MID1: variants seen among roughly 807,000 people sequenced by gnomAD.
The protein encoded by MID1 is E3 ubiquitin-protein ligase Midline-1.
MID1 carries 7 observed loss-of-function variants against 40.4 expected under a neutral mutation model. The ratio of observed to expected loss-of-function variants is 0.17; its 90% CI spans 0.10 to 0.33. MID1 has a LOEUF of 0.33. MID1 is among the 10% of genes least tolerant of loss of function. The probability of loss-of-function intolerance (pLI) is 1.00; values close to 1 mark genes in which losing one functional copy is unlikely to be tolerated. For missense variants in MID1, 367 were observed against 558.5 expected (o/e 0.66, Z 3.46); for synonymous variants, 229 against 221.2 (o/e 1.04, Z -0.31).
chrX:10,767,754 T>G (rs1485044447), intron 1 of MID1, among the ~76,000 whole-genome samples: 1 of 112,253 alleles, frequency 8.9e-6, no homozygotes, highest in Non-Finnish European at 1.9e-5. Flanking sequence ...AGTATGAATA[T>G]TTAAAACATT....
chrX:10,817,560 CTTTCTTTCTTTCTCTCTT>C, intron 1 of MID1, among the ~76,000 whole-genome samples: 1 of 93,509 alleles, frequency 1.1e-5, no homozygotes, highest in Non-Finnish European at 2.1e-5. Flanking sequence ...TTCTTTCTTT[CTTTCTTTCTTTCTCTCTT>C]TCTTTCTTTC....
chrX:10,727,771 A>G (rs768658786), intron 1 of MID1, among the ~76,000 whole-genome samples: 2 of 111,900 alleles, frequency 1.8e-5, no homozygotes, highest in East Asian at 5.6e-4. Context: ...GCTCAATTTG[A>G]GAACCACTGA....
chrX:10,629,737 G>A (rs1424859710), intron 1 of MID1, among the ~76,000 whole-genome samples: 1 of 112,268 alleles, frequency 8.9e-6, no homozygotes, highest in African/African-American at 3.2e-5. Flanking sequence ...GTTCCTAGTG[G>A]AATACGTTTG....
intron 1 of MID1, among the ~76,000 whole-genome samples, chrX:10,825,794 C>A (rs1477678992): frequency 9.0e-6 from 1 of 111,472 alleles, no homozygotes; most frequent in Admixed American, 9.5e-5. Context: ...TGTCAAGACC[C>A]TCATATCCCA....
At chrX:10,770,211 T>C (rs1293442304) in intron 1 of MID1, among the ~76,000 whole-genome samples, 2 of 112,194 alleles carry the variant, frequency 1.8e-5, no homozygotes, top group East Asian at 5.6e-4. Flanking sequence ...GAGAACACAC[T>C]AAAAACAGTG....
intron 4 of MID1, among the ~76,000 whole-genome samples, chrX:10,489,089 T>C (rs777863065): frequency 8.9e-6 from 1 of 112,048 alleles, no homozygotes; most frequent in East Asian, 2.8e-4. Flanking sequence ...GAAAGGCTTG[T>C]TTTCTTATTA....
intron 1 of MID1, among the ~76,000 whole-genome samples, chrX:10,736,326 G>A (rs1487777496): frequency 1.8e-5 from 2 of 112,331 alleles, no homozygotes; most frequent in East Asian, 5.6e-4. Flanking sequence ...TTTTGGGGGA[G>A]TGGATGGGAG....
chrX:10,588,585 C>G (rs1569117892), intron 1 of MID1, among the ~76,000 whole-genome samples: 1 of 106,511 alleles, frequency 9.4e-6, no homozygotes, highest in Non-Finnish European at 1.9e-5. Context: ...TTGTATATTT[C>G]TCTCTTTCTC....
At chrX:10,644,092 C>T (rs1936235674) in intron 1 of MID1, among the ~76,000 whole-genome samples, 1 of 111,027 alleles carries the variant, frequency 9.0e-6, no homozygotes, top group Non-Finnish European at 1.9e-5. Flanking sequence ...CAACCTGGCA[C>T]GTGTATACAT....
intron 1 of MID1, among the ~76,000 whole-genome samples, chrX:10,667,747 C>T (rs772409827): frequency 4.5e-5 from 5 of 110,934 alleles, no homozygotes; most frequent in South Asian, 3.9e-4. Context: ...GTTTCAGTGC[C>T]GATACACAGC....
At chrX:10,588,139 C>T (rs905240927) in intron 1 of MID1, among the ~76,000 whole-genome samples, 2 of 112,083 alleles carry the variant, frequency 1.8e-5, no homozygotes, top group Admixed American at 9.4e-5. Flanking sequence ...TCTCAAAACT[C>T]GCTTAAACTT....
At chrX:10,759,311 C>A (rs188748159) in intron 1 of MID1, among the ~76,000 whole-genome samples, 1 of 111,887 alleles carries the variant, frequency 8.9e-6, no homozygotes, top group African/African-American at 3.2e-5. Flanking sequence ...GGCTGAGGCA[C>A]AACTTTGATG....
In MID1 at chrX:10,459,668, C is replaced by G; in HGVS notation, c.1425G>C (p.Glu475Asp). 8.3e-7 allele frequency: 1 copy of G among 1,211,505 alleles called. No individual in the cohort carries two copies. Among genetic ancestry groups the G allele is most frequent in the Non-Finnish European group, 1.1e-6 (1 of 895,539 alleles). The change falls in exon 8 of 10, where the codon GAG (glutamate) becomes GAC (aspartate). Residue 475 changes from glutamate (E) to aspartate (D), a missense_variant. Around this residue, in one of 3 missense-constraint regions of MID1, gnomAD observed 275 missense variants for 383.1 expected, o/e 0.72. Transcript: ENST00000317552. The part of the protein sequence containing the change: ...AINQAGSRSS[E>D]PGKLKTNSQP... ...TACTGTTTGTCTTCAACTTCCCAGG[C>G]TCACTGCTGCGGCTGCCCGCCTGGT...
intron 1 of MID1, among the ~76,000 whole-genome samples, chrX:10,576,328 G>A (rs191262914): frequency 3.6e-5 from 4 of 111,011 alleles, no homozygotes; most frequent in South Asian, 3.8e-4. Flanking sequence ...TCACATACTC[G>A]CCTGACCATG....
chrX:10,590,304 A>G (rs1183192108), intron 1 of MID1, among the ~76,000 whole-genome samples: 1 of 111,194 alleles, frequency 9.0e-6, no homozygotes, highest in Non-Finnish European at 1.9e-5. Context: ...ATAAAACAAT[A>G]TACAACAATA....
intron 1 of MID1, among the ~76,000 whole-genome samples, chrX:10,687,602 A>G (rs2043107944): frequency 8.9e-6 from 1 of 112,661 alleles, no homozygotes; most frequent in Non-Finnish European, 1.9e-5. Context: ...GAGAATGGTG[A>G]GTCAAAATAT....
chrX:10,742,828 C>A (rs2147110026), intron 1 of MID1, among the ~76,000 whole-genome samples: 1 of 112,059 alleles, frequency 8.9e-6, no homozygotes, highest in Admixed American at 9.5e-5. Context: ...GAACTAAAAC[C>A]AAGTGTGTTT....
chrX:10,701,683 C>T (rs977364270), intron 1 of MID1, among the ~76,000 whole-genome samples: 1 of 111,753 alleles, frequency 8.9e-6, no homozygotes, highest in African/African-American at 3.2e-5. Flanking sequence ...GTCAATTGGA[C>T]ATTGGTTGTT....
chrX:10,704,921 G>A (rs994317202), intron 1 of MID1, among the ~76,000 whole-genome samples: 3 of 107,956 alleles, frequency 2.8e-5, no homozygotes, highest in Non-Finnish European at 5.8e-5. Context: ...GTGCCACCAC[G>A]CCCGGCTAAT....
Sources: gnomAD v4.1 joint callset for allele counts (sites outside exome capture counted in the v4.1 genomes callset) on GRCh38, gnomAD v4.1.1 for gene constraint, gnomAD v4.1.1 regional missense constraint, MANE v1.5 for transcripts, NCBI Gene and HGNC (gene_info 2026-07-23, HGNC 2026-07-21) for gene names.